ATG4B: variants seen among roughly 807,000 people sequenced by gnomAD.
ATG4B encodes cysteine protease ATG4B.
In ATG4B, 29 loss-of-function variants were observed where a neutral mutation model predicts 56.6. That is an observed-to-expected ratio of 0.51 (90% CI 0.38 to 0.70). The LOEUF (loss-of-function observed/expected upper bound fraction) is 0.70. ATG4B is among the 30% of genes least tolerant of loss of function. The pLI, the probability that ATG4B is intolerant of heterozygous loss-of-function variation, is 0.00. For missense variants in ATG4B, 461 were observed against 515.5 expected, an observed-to-expected ratio of 0.89 and a Z score of 1.02; for synonymous variants, 224 against 206.1, an observed-to-expected ratio of 1.09 and a Z score of -0.74.
chr2:241,646,070 T>C (rs975023581), intron 1 of ATG4B, among the ~76,000 whole-genome samples: 10 of 152,232 alleles, frequency 6.6e-5, no homozygotes, highest in African/African-American at 2.4e-4. Flanking sequence ...CACACACCTG[T>C]AATTTTCACA....
Position 241,651,345 on chromosome 2 carries a change from C to T in ATG4B, c.184+10C>T, listed in dbSNP as rs760027714. 5 of 1,578,720 alleles carry T rather than the reference C, an allele frequency of 3.2e-6. No individual in the cohort carries two copies. The East Asian group carries it at 9.1e-5, about 29-fold the overall frequency. On this transcript the variant is annotated intron_variant, in intron 3 of 12. Coordinates refer to ENST00000404914, the MANE Select transcript of ATG4B (RefSeq NM_013325.5). This position sits in a 1 kb window ranked among gnomAD's most constrained non-coding sequence, Gnocchi z 4.1. Reference sequence around the variant, plus strand: ...AACTTTCCAGCCATTGGTAAGTACTCTGTTTTATTACAACGCGGGACAAAA... The same window carrying T: ...AACTTTCCAGCCATTGGTAAGTACTTTGTTTTATTACAACGCGGGACAAAA...
chr2:241,659,315 G>A (rs534056689), intron 7 of ATG4B, 128 bp downstream of exon 7: 28 of 818,442 alleles, frequency 3.4e-5, no homozygotes, highest in South Asian at 1.2e-4. Flanking sequence ...CAGGTGCTCC[G>A]TGGGGCCTGT....
intron 1 of ATG4B, among the ~76,000 whole-genome samples, chr2:241,646,050 A>C (rs1241140370): frequency 6.6e-6 from 1 of 152,200 alleles, no homozygotes; most frequent in Admixed American, 6.5e-5. Flanking sequence ...TACAGTGAGC[A>C]ATCTGAGGCC....
chr2:241,669,795 C>G (rs903885706), intron 10 of ATG4B, among the ~76,000 whole-genome samples: 2 of 152,260 alleles, frequency 1.3e-5, no homozygotes, highest in Non-Finnish European at 2.9e-5. Context: ...GCGTGAGCCA[C>G]TGCGCGCAGC....
rs34358233 is a variant in ATG4B at position 241,672,648 on chromosome 2, T to TG, written c.*387dup. 0.59 allele frequency: 147,401 copies of TG among 249,592 alleles called. 44,935 individuals are homozygous for TG. Among genetic ancestry groups the TG allele is most frequent in the Middle Eastern group, 0.71 (444 of 622 alleles). The allele number at this position is 249,592 out of a possible 1,614,324, so 15.5% of individuals were successfully genotyped here. A position where few individuals can be genotyped will look rare whatever the true frequency, so the allele number is the denominator to read the frequency against. ...GTTGTCAGACACAGACATGAATTTCTGGGCGCTCCCTGAGTCAGAGTCTCA... is the reference window on the plus strand; with the variant it reads ...GTTGTCAGACACAGACATGAATTTCTGGGGCGCTCCCTGAGTCAGAGTCTCA... On this transcript the variant is annotated 3_prime_UTR_variant, in exon 13 of 13. Coordinates refer to ENST00000404914, the MANE Select transcript of ATG4B (RefSeq NM_013325.5).
At position 241,666,824 on chromosome 2, in the gene ATG4B, G is replaced by A. The variant is rs575560117; in HGVS notation, c.718G>A (p.Val240Met). Residue 240 changes from valine (V) to methionine (M), a missense_variant, in exon 8 of 13, where the codon GTG (valine) becomes ATG (methionine). Coordinates refer to ENST00000404914, the MANE Select transcript of ATG4B (RefSeq NM_013325.5). The part of the protein sequence containing the change: ...LGLTDINEAY[V>M]ETLKHCFMMP... ...GCTCACGGACATCAACGAGGCCTAC[G>A]TGGAGACGCTGAAGGTGGGTCCTGC... 29 of 1,564,298 alleles carry A rather than the reference G, an allele frequency of 1.9e-5. No individual in the cohort carries two copies. Among genetic ancestry groups the A allele is most frequent in the South Asian group, 7.0e-5 (6 of 85,132 alleles).
In ATG4B at chr2:241,637,726, TGA is replaced by T. The variant is rs757415219; in HGVS notation, c.10+4_10+5del. On this transcript the variant is annotated splice_donor_region_variant and intron_variant, in intron 1 of 12. Transcript: ENST00000404914. The stretch of plus-strand genomic sequence containing the variant: ...GCCGGACTGGGAAGATGGACGCAGG[TGA>T]GGAGTTGCCGGGGGTCGGTCTTTCC... The T allele has an allele frequency of 3.8e-6, 6 of 1,577,290 alleles. No individual in the cohort carries two copies. The highest frequency in any genetic ancestry group is 3.4e-6 in the Non-Finnish European group (4 of 1,165,224).
chr2:241,665,286 G>T (rs550417967), intron 7 of ATG4B, among the ~76,000 whole-genome samples: 1 of 152,132 alleles, frequency 6.6e-6, no homozygotes, highest in Non-Finnish European at 1.5e-5. Context: ...AGCCTCCTAC[G>T]AATGAGAGTG....
intron 7 of ATG4B, among the ~76,000 whole-genome samples, chr2:241,664,109 T>C (rs893166139): frequency 2.0e-5 from 3 of 152,132 alleles, no homozygotes; most frequent in South Asian, 2.1e-4. Flanking sequence ...TGAGCCACCG[T>C]GCCTGGACCT....
At chr2:241,650,230 G>A (rs1269469022) in intron 1 of ATG4B, among the ~76,000 whole-genome samples, 1 of 152,222 alleles carries the variant, frequency 6.6e-6, no homozygotes, top group African/African-American at 2.4e-5. Context: ...TCTTCTGGTA[G>A]CATTGTTGAA....
At position 241,673,089 on chromosome 2, in the gene ATG4B, C is replaced by CG. The variant is rs1275133912; in HGVS notation, c.*827dup. On this transcript the variant is annotated 3_prime_UTR_variant, in exon 13 of 13. Coordinates refer to ENST00000404914, the MANE Select transcript of ATG4B (RefSeq NM_013325.5). ...TGTGACAGCCAGGCTTGAGGGTGGACGGCGTGCCTCTCCCAGGAGCCTTCC... is the reference window on the plus strand; with the variant it reads ...TGTGACAGCCAGGCTTGAGGGTGGACGGGCGTGCCTCTCCCAGGAGCCTTCC... The CG allele has an allele frequency of 5.8e-6, 1 of 172,062 alleles. No individual in the cohort carries two copies. Among genetic ancestry groups the CG allele is most frequent in the Non-Finnish European group, 1.3e-5 (1 of 79,214 alleles). The allele number at this position is 172,062 out of a possible 1,614,324, so 10.7% of individuals were successfully genotyped here.
chr2:241,671,709 G>A, intron 12 of ATG4B: 1 of 1,339,790 alleles, frequency 7.5e-7, no homozygotes, highest in Non-Finnish European at 9.7e-7. Flanking sequence ...CAGGCTCTGT[G>A]GTGACGCAGT....
intron 7 of ATG4B, among the ~76,000 whole-genome samples, chr2:241,662,616 C>T (rs935485729): frequency 5.3e-5 from 8 of 152,240 alleles, no homozygotes; most frequent in Admixed American, 2.0e-4. Flanking sequence ...GCCCTTGAGC[C>T]GATTCATGTG....
chr2:241,661,317 A>G (rs2068586868), intron 7 of ATG4B, among the ~76,000 whole-genome samples: 1 of 152,222 alleles, frequency 6.6e-6, no homozygotes, highest in South Asian at 2.1e-4. Context: ...AGGCACTGGC[A>G]TTGATGCACA....
intron 7 of ATG4B, among the ~76,000 whole-genome samples, chr2:241,661,479 C>G (rs551776388): frequency 6.6e-6 from 1 of 152,086 alleles, no homozygotes; most frequent in Non-Finnish European, 1.5e-5. Flanking sequence ...GCTAAGAGTG[C>G]GCAAGGGAGG....
intron 1 of ATG4B, among the ~76,000 whole-genome samples, chr2:241,642,871 C>CTTTTT (rs1321613822): frequency 0.018 from 1,735 of 98,400 alleles, 470 homozygotes; most frequent in Middle Eastern, 0.027. Context: ...ACCTCTCCGT[C>CTTTTT]CTTTTTTTTT....
Position 241,672,305 on chromosome 2 carries a change from C to A in ATG4B, c.*41C>A. ...GGGTGGCACCTGTGAGAGCCTGGGG[C>A]TCCTGGTGCCGCTGCGTTTCATCCA... On this transcript the variant is annotated 3_prime_UTR_variant, in exon 13 of 13. Coordinates refer to ENST00000404914, the MANE Select transcript of ATG4B (RefSeq NM_013325.5). The A allele has an allele frequency of 6.7e-7, 1 of 1,497,890 alleles. No homozygotes were observed. The highest frequency in any genetic ancestry group is 1.2e-5 in the South Asian group (1 of 83,118). The allele number at this position is 1,497,890 out of a possible 1,614,324, so 92.8% of individuals were successfully genotyped here.
At chr2:241,647,871 T>C (rs1236041242) in intron 1 of ATG4B, among the ~76,000 whole-genome samples, 11 of 151,708 alleles carry the variant, frequency 7.3e-5, no homozygotes, top group African/African-American at 2.7e-4. Context: ...CCCAGCACTT[T>C]GGGAGGCCGA....
In ATG4B at chr2:241,651,844, A is replaced by T; in HGVS notation, c.184+509A>T. 1 of 1,248,470 alleles carries T rather than the reference A, an allele frequency of 8.0e-7. No homozygotes were observed. The highest frequency in any genetic ancestry group is 1.1e-6 in the Non-Finnish European group (1 of 938,246). 77.3% of individuals were successfully genotyped at this position (1,248,470 alleles called of 1,614,324 possible). On this transcript the variant is annotated intron_variant, in intron 3 of 12. Transcript: ENST00000404914. This position sits in a 1 kb window ranked among gnomAD's most constrained non-coding sequence, Gnocchi z 4.1. ...AGATTTGAAGGGCCAGGTGAATGTG[A>T]CATGTTTTTATGTAACACTAAGGTG...
Sources: allele counts gnomAD v4.1 joint callset (sites outside exome capture counted in the v4.1 genomes callset), GRCh38; gene constraint gnomAD v4.1.1; non-coding constraint Gnocchi (gnomAD v3.1); transcripts MANE v1.5; gene names NCBI Gene and HGNC (gene_info 2026-07-23, HGNC 2026-07-21).